Variants in LDLRAD4 observed in about 807,000 individuals in gnomAD.
LDLRAD4 encodes the protein low density lipoprotein receptor class A domain containing 4.
In LDLRAD4, 5 loss-of-function variants were observed where a neutral mutation model predicts 17.0. The ratio of observed to expected loss-of-function variants is 0.29; its 90% CI spans 0.15 to 0.62. The LOEUF is 0.62. Ranked by LOEUF, LDLRAD4 falls within the 20% of genes least tolerant of loss-of-function variation. The pLI is 0.84. For missense variants in LDLRAD4, 340 were observed against 424.7 expected, an observed-to-expected ratio of 0.80 and a Z score of 1.75; for synonymous variants, 168 against 171.8, an observed-to-expected ratio of 0.98 and a Z score of 0.17.
intron 1 of LDLRAD4, among the ~76,000 whole-genome samples, chr18:13,359,164 A>G (rs1031409154): frequency 2.6e-5 from 4 of 152,204 alleles, no homozygotes; most frequent in African/African-American, 7.2e-5. Flanking sequence ...TTTGTGCACA[A>G]GGACAGGCAT....
At chr18:13,269,090 C>T (rs919886848) in intron 1 of LDLRAD4, among the ~76,000 whole-genome samples, 1 of 152,174 alleles carries the variant, frequency 6.6e-6, no homozygotes, top group Admixed American at 6.5e-5. Flanking sequence ...GTGTTCTGTG[C>T]TTCTTAGTTT....
chr18:13,276,509 ATCCACC>A (rs2044875158), upstream of LDLRAD4, among the ~76,000 whole-genome samples: 1 of 152,186 alleles, frequency 6.6e-6, no homozygotes, highest in Non-Finnish European at 1.5e-5. Context: ...GTATGGAAGA[ATCCACC>A]TCCAGGCTCA....
intron 1 of LDLRAD4, among the ~76,000 whole-genome samples, chr18:13,269,460 A>G (rs188276568): frequency 6.6e-6 from 1 of 152,236 alleles, no homozygotes; most frequent in Non-Finnish European, 1.5e-5. Flanking sequence ...TAGTGCTCTG[A>G]TGAGGTAGTA....
chr18:13,247,192 C>T (rs368078995), intron 1 of LDLRAD4, among the ~76,000 whole-genome samples: 37 of 152,180 alleles, frequency 2.4e-4, no homozygotes, highest in East Asian at 1.9e-3. Flanking sequence ...GTATGCCTCC[C>T]CTTTCTGTCA....
chr18:13,429,612 A>G (rs1218513605), intron 2 of LDLRAD4, among the ~76,000 whole-genome samples: 1 of 152,270 alleles, frequency 6.6e-6, no homozygotes, highest in African/African-American at 2.4e-5. Context: ...AAAAATTTAT[A>G]GAATCACTGA....
chr18:13,358,096 T>C (rs967869066), intron 1 of LDLRAD4, among the ~76,000 whole-genome samples: 1 of 152,130 alleles, frequency 6.6e-6, no homozygotes, highest in Non-Finnish European at 1.5e-5. Context: ...ATCTTGTATA[T>C]TTTTTGCACC....
At chr18:13,495,546 TAA>T (rs2093451089) in intron 3 of LDLRAD4, among the ~76,000 whole-genome samples, 1 of 152,192 alleles carries the variant, frequency 6.6e-6, no homozygotes, top group South Asian at 2.1e-4. Context: ...TCCTGAAGTA[TAA>T]GATGGTGTCA....
At chr18:13,511,653 G>T (rs2093781119) in intron 3 of LDLRAD4, among the ~76,000 whole-genome samples, 1 of 152,198 alleles carries the variant, frequency 6.6e-6, no homozygotes, top group South Asian at 2.1e-4. Context: ...TTCCCTCAAG[G>T]ACTGACTTGA....
chr18:13,261,168 G>A (rs2043796466), intron 1 of LDLRAD4, among the ~76,000 whole-genome samples: 2 of 152,212 alleles, frequency 1.3e-5, no homozygotes, highest in Admixed American at 6.5e-5. Context: ...CATTGGGAAC[G>A]GTGAGGTGCT....
In LDLRAD4 at chr18:13,452,531, G is replaced by A. The variant is rs555218485; in HGVS notation, c.181+14147G>A. Among the ~76,000 whole-genome samples, 8 of 152,274 alleles carry A rather than the reference G, an allele frequency of 5.3e-5. No individual in the cohort carries two copies. The South Asian group carries it at 1.7e-3, about 32-fold the overall frequency. On this transcript the variant is annotated intron_variant, in intron 3 of 5. Coordinates refer to ENST00000359446, the Ensembl canonical transcript of LDLRAD4. ...GACGGAAGAACTCCAGTGCACAGGA[G>A]GAGACTCTTCTGAAGCTGGAAAGGA... is the stretch of plus-strand genomic sequence containing the variant.
intron 2 of LDLRAD4, among the ~76,000 whole-genome samples, chr18:13,422,535 C>CAA (rs57943534): frequency 5.0e-5 from 6 of 119,486 alleles, no homozygotes; most frequent in South Asian, 2.8e-4. Flanking sequence ...CCATCTCTAC[C>CAA]AAAAAAAAAA....
intron 4 of LDLRAD4, chr18:13,642,002 C>T (rs2042608276): frequency 5.1e-6 from 5 of 985,208 alleles, no homozygotes; most frequent in Middle Eastern, 1.0e-3. Flanking sequence ...GGCCTCCGCC[C>T]CCTTCCCGCT....
chr18:13,282,285 A>G (rs1246727750), intron 1 of LDLRAD4, among the ~76,000 whole-genome samples: 6 of 152,138 alleles, frequency 3.9e-5, no homozygotes, highest in African/African-American at 1.2e-4. Context: ...TGCCTTCCCA[A>G]TAGTCCCCCA....
intron 1 of LDLRAD4, among the ~76,000 whole-genome samples, chr18:13,331,068 A>G (rs147979993): frequency 2.0e-5 from 3 of 152,358 alleles, no homozygotes; most frequent in Non-Finnish European, 4.4e-5. Flanking sequence ...AAAGCAGTAA[A>G]GGTAAATAAG....
At chr18:13,486,693 C>T (rs997527772) in intron 3 of LDLRAD4, 2 of 152,328 alleles carry the variant, frequency 1.3e-5, no homozygotes, top group Middle Eastern at 3.4e-3. Context: ...CAGAAAAGTG[C>T]ATGTATCAAA....
intron 2 of LDLRAD4, among the ~76,000 whole-genome samples, chr18:13,399,266 T>C (rs1435207147): frequency 6.6e-6 from 1 of 152,176 alleles, no homozygotes; most frequent in African/African-American, 2.4e-5. Context: ...TGGACAGTGA[T>C]GTGTTTATAC....
intron 3 of LDLRAD4, among the ~76,000 whole-genome samples, chr18:13,462,859 C>T (rs2092478386): frequency 6.6e-6 from 1 of 152,128 alleles, no homozygotes; most frequent in Non-Finnish European, 1.5e-5. Context: ...CAGTGGGGGG[C>T]AGCTCGTGGC....
chr18:13,231,501 A>T (rs964844654), intron 1 of LDLRAD4, among the ~76,000 whole-genome samples: 7 of 152,204 alleles, frequency 4.6e-5, no homozygotes, highest in Non-Finnish European at 8.8e-5. Flanking sequence ...ACCAGCCACG[A>T]ATGGTAAAGA....
intron 3 of LDLRAD4, among the ~76,000 whole-genome samples, chr18:13,618,010 G>A (rs1234210977): frequency 6.6e-6 from 1 of 152,140 alleles, no homozygotes; most frequent in Non-Finnish European, 1.5e-5. Flanking sequence ...ACAAACGTGT[G>A]CCAGCCACAC....
Sources: allele counts gnomAD v4.1 joint callset (sites outside exome capture counted in the v4.1 genomes callset), GRCh38; gene constraint gnomAD v4.1.1; transcripts MANE v1.5; gene names NCBI Gene and HGNC (gene_info 2026-07-23, HGNC 2026-07-21).